HSPG2: variants seen among roughly 807,000 people sequenced by gnomAD.
HSPG2 encodes basement membrane-specific heparan sulfate proteoglycan core protein.
In HSPG2, 278 loss-of-function variants were observed where a neutral mutation model predicts 526.6. That is an observed-to-expected ratio of 0.53 (90% confidence interval 0.48 to 0.58). HSPG2 has a LOEUF of 0.58. Ranked by LOEUF, HSPG2 falls within the 20% of genes least tolerant of loss-of-function variation. The probability of loss-of-function intolerance (pLI) is 0.00; values close to 1 mark genes in which losing one functional copy is unlikely to be tolerated. For synonymous variants in HSPG2, 2,465 were observed against 2,555.4 expected, an observed-to-expected ratio of 0.96 and a Z score of 1.07; for missense variants, 5,354 against 6,099.5, an observed-to-expected ratio of 0.88 and a Z score of 4.07.
At chr1:21,920,872 T>C (rs1461932692) in intron 1 of HSPG2, among the ~76,000 whole-genome samples, 4 of 152,102 alleles carry the variant, frequency 2.6e-5, no homozygotes. Flanking sequence ...GCTAAGCCCC[T>C]GTTCTCTTCA....
At position 21,836,787 on chromosome 1, in the gene HSPG2, C is replaced by A; in HGVS notation, c.10355+15G>T. On this transcript the variant is annotated intron_variant, in intron 75 of 96. Transcript: ENST00000374695. ...TATGCTGCCCAAGTCCAGTCCTGCC[C>A]CCGGCCCCACTCACCGGAGCACCCC... 6.5e-7 allele frequency: 1 copy of A among 1,543,728 alleles called. No individual in the cohort carries two copies. Among genetic ancestry groups the A allele is most frequent in the East Asian group, 2.4e-5 (1 of 41,486 alleles).
intron 70 of HSPG2, 103 bp from the exon 71 acceptor site, chr1:21,841,388 C>T: frequency 1.3e-6 from 2 of 1,553,314 alleles, no homozygotes; most frequent in Non-Finnish European, 1.8e-6. Flanking sequence ...GCACCTGTCT[C>T]CCCACTGCAC....
In HSPG2 at chr1:21,887,585, G is replaced by A. The variant is rs768381357; in HGVS notation, c.793C>T (p.Gln265Ter). The change falls in exon 8 of 97, where the codon CAG (glutamine) becomes TAG (stop). Residue 265 changes from glutamine (Q) to a stop codon, truncating the protein, a stop_gained. Coordinates refer to ENST00000374695, the MANE Select transcript of HSPG2 (RefSeq NM_005529.7). LOFTEE classifies it high-confidence loss of function. The surrounding 1 kb of genome is among the most constrained non-coding windows in gnomAD (Gnocchi z 5.0). ...TGAGGAGCGTGGGTGACTGGTGGCT[G>A]TCGCATGATGGTTGTCTCTGGCCGG... Reference protein sequence around the residue: ...PPRPETTIMRQPPVTHAPQPL... With the variant: ...PPRPETTIMR 1 of 1,614,106 alleles carries A rather than the reference G, an allele frequency of 6.2e-7. No individual in the cohort carries two copies. The highest frequency in any genetic ancestry group is 8.5e-7 in the Non-Finnish European group (1 of 1,180,022).
chr1:21,853,125 C>T, intron 50 of HSPG2, 55 bp from the exon 51 acceptor site: 1 of 1,608,876 alleles, frequency 6.2e-7, no homozygotes, highest in Non-Finnish European at 8.5e-7. Flanking sequence ...AACCTGTAGC[C>T]CTGGGGCAGA....
At chr1:21,832,973 A>G (rs1572161088) in intron 80 of HSPG2, 2 of 559,074 alleles carry the variant, frequency 3.6e-6, no homozygotes, top group Non-Finnish European at 6.4e-6. Context: ...AGGAGGGAGG[A>G]AGGAGCAGAG....
Position 21,849,187 on chromosome 1 carries a change from G to A in HSPG2, c.7447-156C>T, listed in dbSNP as rs75880536. Among the ~76,000 whole-genome samples, 388 of 152,338 alleles carry A rather than the reference G, an allele frequency of 2.5e-3. 2 individuals are homozygous for A. The highest frequency in any genetic ancestry group is 8.6e-3 in the African/African-American group (356 of 41,590). On this transcript the variant is annotated intron_variant, in intron 57 of 96. Coordinates refer to ENST00000374695, the MANE Select transcript of HSPG2 (RefSeq NM_005529.7). ...ACCACCTTCTCCCTTCCTATCTACCGCCCCAGTGTCAGGACTGGGTCTAGC... is the reference window on the plus strand; with the variant it reads ...ACCACCTTCTCCCTTCCTATCTACCACCCCAGTGTCAGGACTGGGTCTAGC...
chr1:21,880,934 C>T (rs758658652), intron 14 of HSPG2, 99 bp from the exon 15 acceptor site: 26 of 1,222,484 alleles, frequency 2.1e-5, no homozygotes, highest in Non-Finnish European at 2.9e-5. Flanking sequence ...CCTCACTCTG[C>T]CTACCTGAGA....
Position 21,937,196 on chromosome 1 carries a change from C to T in HSPG2, c.22G>A (p.Ala8Thr). Residue 8 changes from alanine to threonine, a missense_variant, in exon 1 of 97, where the codon GCG (alanine) becomes ACG (threonine). By Grantham distance (58) the Ala-to-Thr change is moderately conservative (BLOSUM62 0). Coordinates refer to ENST00000374695, the MANE Select transcript of HSPG2 (RefSeq NM_005529.7). The stretch of plus-strand genomic sequence containing the variant: ...TGCAGCAGCAGCGCCAGCAGCAGCG[C>T]GCCCGCCGCCCGCCACCCCATGGCC... Reference protein sequence around the residue: MGWRAAGALLLALLLHGR... With the variant: MGWRAAGTLLLALLLHGR... 9.3e-7 allele frequency: 1 copy of T among 1,080,154 alleles called. No individual in the cohort carries two copies. Among genetic ancestry groups the T allele is most frequent in the Non-Finnish European group, 1.1e-6 (1 of 880,704 alleles). The allele number at this position is 1,080,154 out of a possible 1,614,324, so 66.9% of individuals were successfully genotyped here.
rs776478745 is a variant in HSPG2 at position 21,876,355 on chromosome 1, T to C, written c.2877A>G (p.Ala959=). Residue 959 remains alanine (A), a synonymous_variant, in exon 23 of 97, where the codon GCA becomes GCG. Transcript: ENST00000374695. The part of the protein sequence containing the change: ...EPGHFSLTNA[A]STHTTNEGIF... ...TGCCCTCGTTGGTGGTGTGGGTGCT[T>C]GCGGCGTTGGTCAGGCTGAAGTGAC... The C allele has an allele frequency of 1.2e-6, 2 of 1,613,358 alleles. No individual in the cohort carries two copies. Among genetic ancestry groups the C allele is most frequent in the East Asian group, 4.5e-5 (2 of 44,850 alleles).
intron 1 of HSPG2, among the ~76,000 whole-genome samples, chr1:21,935,876 G>A (rs750920313): frequency 6.6e-6 from 1 of 152,144 alleles, no homozygotes; most frequent in African/African-American, 2.4e-5. Context: ...GGACGACAGA[G>A]GAGGCTGCCC....
Position 21,859,511 on chromosome 1 carries a change from C to A in HSPG2, c.5293+55G>T. 7.3e-7 allele frequency: 1 copy of A among 1,374,154 alleles called. No individual in the cohort carries two copies. Among genetic ancestry groups the A allele is most frequent in the Non-Finnish European group, 1.0e-6 (1 of 985,204 alleles). 85.1% of individuals were successfully genotyped at this position (1,374,154 alleles called of 1,614,324 possible). A position where few individuals can be genotyped will look rare whatever the true frequency, so the allele number is the denominator to read the frequency against. On this transcript the variant is annotated intron_variant, in intron 42 of 96. Transcript: ENST00000374695. This position sits in a 1 kb window ranked among gnomAD's most constrained non-coding sequence, Gnocchi z 5.3. ...ATGCACCATCTGCCTGAATCTGCAG[C>A]CTGCAGCCCAGCCCAGGACAGGCAG... is the stretch of plus-strand genomic sequence containing the variant.
chr1:21,846,406 C>G, intron 63 of HSPG2, 42 bp downstream of exon 63: 1 of 1,612,492 alleles, frequency 6.2e-7, no homozygotes. Flanking sequence ...CCAGGGCCCC[C>G]ACATCCAGCG....
At chr1:21,823,838 C>G (rs1345323220) in intron 95 of HSPG2, 119 bp from the exon 96 acceptor site, 10 of 830,156 alleles carry the variant, frequency 1.2e-5, no homozygotes, top group Non-Finnish European at 1.8e-5. Context: ...CCCTGTTTCC[C>G]AAGCTCTTTC....
intron 50 of HSPG2, 43 bp from the exon 51 acceptor site, chr1:21,853,113 G>A (rs745617913): frequency 1.9e-5 from 30 of 1,611,240 alleles, no homozygotes; most frequent in African/African-American, 2.7e-5. Flanking sequence ...CTCTTGGGCT[G>A]TAACCTGTAG....
At position 21,879,054 on chromosome 1, in the gene HSPG2, A is replaced by G. The variant is rs761964111; in HGVS notation, c.2411T>C (p.Met804Thr). Reference protein sequence around the residue: ...KCKAGFFGDAMKATATSCRPC... With the variant: ...KCKAGFFGDATKATATSCRPC... ...CCGGCAGGAAGTGGCCGTGGCCTTC[A>G]TGGCGTCCCCAAAGAAGCCAGCCTT... Residue 804 changes from methionine to threonine, a missense_variant, in exon 18 of 97, where the codon ATG becomes ACG. Met to Thr is a moderately conservative substitution (Grantham distance 81). Transcript: ENST00000374695. The G allele has an allele frequency of 1.3e-4, 211 of 1,614,118 alleles. No homozygotes were observed. Among genetic ancestry groups the G allele is most frequent in the Non-Finnish European group, 1.6e-4 (194 of 1,180,050 alleles).
rs116721083 is a variant in HSPG2 at position 21,896,809 on chromosome 1, T to G, written c.64-499A>C. 6.1e-3 allele frequency among the ~76,000 whole-genome samples: 925 copies of G among 152,288 alleles called. 13 individuals carry two copies. Among genetic ancestry groups the G allele is most frequent in the African/African-American group, 0.022 (897 of 41,570 alleles). On this transcript the variant is annotated intron_variant, in intron 1 of 96. Transcript: ENST00000374695. ...CCCAGGCAGCTCCTCCCCAGGCCAT[T>G]TGGCTCCTCTTCCTGCCTCACTCTG...
At position 21,890,039 on chromosome 1, in the gene HSPG2, G is replaced by C. The variant is rs762318269; in HGVS notation, c.516C>G (p.Gly172=). The change falls in exon 6 of 97, where the codon GGC becomes GGG. Residue 172 remains glycine (G), a synonymous_variant. Transcript: ENST00000374695. The surrounding 1 kb of genome is among the most constrained non-coding windows in gnomAD (Gnocchi z 4.1). ...QEMLLRVISS[G]SVASYVTSPQ... ...GAGAGGTGACGTAGGAGGCCACAGA[G>C]CCGCTGGAGATGACCCTGAGCAGCA... The C allele has an allele frequency of 1.2e-6, 2 of 1,614,120 alleles. No individual in the cohort carries two copies. Among genetic ancestry groups the C allele is most frequent in the Non-Finnish European group, 1.7e-6 (2 of 1,180,006 alleles).
intron 1 of HSPG2, chr1:21,908,465 G>C: frequency 4.7e-6 from 4 of 845,316 alleles, no homozygotes; most frequent in Non-Finnish European, 8.2e-6. Context: ...AAAGAGAAAG[G>C]TACCTGGGTT....
rs1324883966 is a variant in HSPG2 at position 21,844,216 on chromosome 1, C to A, written c.8548G>T (p.Val2850Leu). The A allele has an allele frequency of 2.5e-6, 4 of 1,613,812 alleles. No homozygotes were observed. The highest frequency in any genetic ancestry group is 1.7e-4 in the Middle Eastern group (1 of 6,048). The part of the protein sequence containing the change: ...EGQTLDLKCV[V>L]PGQAHAQVTW... ...ACCTGGGCGTGGGCCTGCCCGGGCA[C>A]CACGCACTTCAGATCCAGGGTCTGC... is the stretch of plus-strand genomic sequence containing the variant. Residue 2850 changes from valine to leucine, a missense_variant, in exon 65 of 97, where the codon GTG becomes TTG. Val to Leu is a conservative substitution (Grantham distance 32). Coordinates refer to ENST00000374695, the MANE Select transcript of HSPG2 (RefSeq NM_005529.7).
Sources: allele counts gnomAD v4.1 joint callset (sites outside exome capture counted in the v4.1 genomes callset), GRCh38; gene constraint gnomAD v4.1.1; non-coding constraint Gnocchi (gnomAD v3.1); transcripts MANE v1.5; gene names NCBI Gene and HGNC (gene_info 2026-07-23, HGNC 2026-07-21).